The following KDM4C variants were observed in gnomAD, a reference collection of about 807,000 sequenced individuals.
KDM4C encodes the protein lysine demethylase 4C, also known as lysine-specific demethylase 4C.
KDM4C carries 81 observed loss-of-function variants against 129.3 expected under a neutral mutation model. That is an observed-to-expected ratio of 0.63 (90% CI 0.52 to 0.75). KDM4C has a LOEUF of 0.75. Among genes scored for constraint, KDM4C ranks in the 30% least tolerant of loss-of-function variants. The probability of loss-of-function intolerance (pLI) is 0.00; values close to 1 mark genes in which losing one functional copy is unlikely to be tolerated. For missense variants in KDM4C, 1,457 were observed against 1,304.0 expected, an observed-to-expected ratio of 1.12 and a Z score of -1.81; for synonymous variants, 573 against 456.1, an observed-to-expected ratio of 1.26 and a Z score of -3.26.
upstream of KDM4C, among the ~76,000 whole-genome samples, chr9:6,757,178 G>C (rs1397053102): frequency 1.3e-5 from 2 of 150,584 alleles, no homozygotes; most frequent in Non-Finnish European, 3.0e-5. Context: ...CAAGTTGTAG[G>C]AAGTTAACTT....
chr9:6,983,964 G>GT (rs1426445971), intron 9 of KDM4C, among the ~76,000 whole-genome samples: 3 of 152,060 alleles, frequency 2.0e-5, no homozygotes, highest in African/African-American at 7.2e-5. Context: ...GAATTTTAAA[G>GT]TTTTATTGAT....
rs1844236355 is a variant in KDM4C at position 7,165,094 on chromosome 9, C to A, written c.2782-144C>A. 4 of 924,104 alleles carry A rather than the reference C, an allele frequency of 4.3e-6. No homozygotes were observed. The South Asian group carries it at 7.4e-5, about 17-fold the overall frequency. The allele number at this position is 924,104 out of a possible 1,614,324, so 57.2% of individuals were successfully genotyped here. A position where few individuals can be genotyped will look rare whatever the true frequency, so the allele number is the denominator to read the frequency against. On this transcript the variant is annotated intron_variant, in intron 19 of 21. Transcript: ENST00000381309. Reference sequence around the variant, plus strand: ...ATACTCCTTTGGCTCATATCTCTTCCCCTGAACACCCATGCGAGATCATAA... The same window carrying A: ...ATACTCCTTTGGCTCATATCTCTTCACCTGAACACCCATGCGAGATCATAA...
At chr9:6,725,566 C>T (rs150179697) in intron 1 of KDM4C, among the ~76,000 whole-genome samples, 3 of 152,136 alleles carry the variant, frequency 2.0e-5, no homozygotes, top group Non-Finnish European at 4.4e-5. Flanking sequence ...TGGCTCACTG[C>T]AACCTCTGTC....
chr9:6,783,362 T>C (rs1824783843), intron 1 of KDM4C, among the ~76,000 whole-genome samples: 1 of 152,152 alleles, frequency 6.6e-6, no homozygotes, highest in African/African-American at 2.4e-5. Context: ...GACAGATTCG[T>C]TTTTATCCTT....
At chr9:6,739,281 C>A (rs1401054305) in intron 1 of KDM4C, among the ~76,000 whole-genome samples, 1 of 152,008 alleles carries the variant, frequency 6.6e-6, no homozygotes, top group Non-Finnish European at 1.5e-5. Context: ...CCATGTTGGC[C>A]AGGCTGGTCT....
At chr9:6,856,822 A>G (rs1031800165) in intron 5 of KDM4C, among the ~76,000 whole-genome samples, 1 of 149,044 alleles carries the variant, frequency 6.7e-6, no homozygotes, top group African/African-American at 2.5e-5. Context: ...CAGTGGCGCA[A>G]TCTCGGCTCA....
At chr9:7,154,373 G>A (rs1450061536) in intron 19 of KDM4C, among the ~76,000 whole-genome samples, 1 of 152,230 alleles carries the variant, frequency 6.6e-6, no homozygotes, top group African/African-American at 2.4e-5. Flanking sequence ...ATTAACTACT[G>A]GGAACACATG....
At chr9:7,097,844 G>A (rs1414799926) in intron 17 of KDM4C, among the ~76,000 whole-genome samples, 1 of 152,198 alleles carries the variant, frequency 6.6e-6, no homozygotes, top group Non-Finnish European at 1.5e-5. Flanking sequence ...TTTGCAAAAT[G>A]ATCTTACATA....
At chr9:7,125,115 C>T (rs1001604403) in intron 18 of KDM4C, among the ~76,000 whole-genome samples, 7 of 152,112 alleles carry the variant, frequency 4.6e-5, no homozygotes, top group Non-Finnish European at 8.8e-5. Context: ...ACTGTTCTCC[C>T]CCACCCCCAG....
chr9:6,732,114 TC>T (rs1345979400), intron 1 of KDM4C, among the ~76,000 whole-genome samples: 2 of 151,700 alleles, frequency 1.3e-5, no homozygotes, highest in Non-Finnish European at 1.5e-5. Context: ...ACATCTGTAA[TC>T]CCAGCACTTG....
chr9:6,863,122 A>G (rs1271741525), intron 5 of KDM4C, among the ~76,000 whole-genome samples: 1 of 152,228 alleles, frequency 6.6e-6, no homozygotes, highest in Non-Finnish European at 1.5e-5. Context: ...CGTATACAGA[A>G]AAGAATAGAA....
intron 20 of KDM4C, among the ~76,000 whole-genome samples, chr9:7,169,354 T>A (rs1844725309): frequency 6.6e-6 from 1 of 152,220 alleles, no homozygotes; most frequent in Non-Finnish European, 1.5e-5. Context: ...TTTTTTGTTT[T>A]GAGACGGAGT....
At chr9:7,084,418 A>T (rs56261120) in intron 17 of KDM4C, among the ~76,000 whole-genome samples, 4,454 of 152,340 alleles carry the variant, frequency 0.029, 73 homozygotes, top group South Asian at 0.072. Context: ...CATGAATGAT[A>T]GATAGTCTAT....
At chr9:6,972,120 A>G (rs1402925855) in intron 8 of KDM4C, among the ~76,000 whole-genome samples, 1 of 152,080 alleles carries the variant, frequency 6.6e-6, no homozygotes, top group Non-Finnish European at 1.5e-5. Flanking sequence ...GAAATAAAAC[A>G]CCTTTGGTTT....
At chr9:7,086,358 A>T (rs2132991489) in intron 17 of KDM4C, among the ~76,000 whole-genome samples, 1 of 152,234 alleles carries the variant, frequency 6.6e-6, no homozygotes, top group African/African-American at 2.4e-5. Context: ...CCAGCATCGG[A>T]ATAGTTATTA....
Position 7,020,363 on chromosome 9 carries a change from C to G in KDM4C, c.2259+4434C>G, listed in dbSNP as rs557504525. Reference sequence around the variant, plus strand: ...CATCGCTTTGAGTCCCTGCCTTACCCTATTTCAGTATTACCCAAATAAATA... The same window carrying G: ...CATCGCTTTGAGTCCCTGCCTTACCGTATTTCAGTATTACCCAAATAAATA... On this transcript the variant is annotated intron_variant, in intron 15 of 21. Coordinates refer to ENST00000381309, the MANE Select transcript of KDM4C (RefSeq NM_015061.6). Among the ~76,000 whole-genome samples the G allele has an allele frequency of 7.2e-5, 11 of 152,322 alleles. No individual in the cohort carries two copies. The East Asian group carries it at 2.1e-3, about 29-fold the overall frequency.
At chr9:6,804,250 C>G (rs1383237511) in intron 2 of KDM4C, among the ~76,000 whole-genome samples, 1 of 152,224 alleles carries the variant, frequency 6.6e-6, no homozygotes, top group East Asian at 1.9e-4. Context: ...GCACCTTATA[C>G]TGGCATTTGA....
intron 1 of KDM4C, among the ~76,000 whole-genome samples, chr9:6,773,013 T>A (rs1333112679): frequency 6.6e-6 from 1 of 150,936 alleles, no homozygotes; most frequent in East Asian, 1.9e-4. Context: ...TTCTTTTTTG[T>A]TTTTTTGACA....
intron 12 of KDM4C, among the ~76,000 whole-genome samples, chr9:7,001,069 C>T (rs1011410533): frequency 3.3e-5 from 5 of 152,178 alleles, no homozygotes; most frequent in African/African-American, 9.7e-5. Context: ...TAGAAGGTGG[C>T]TCTCTTTATC....
Sources: allele counts gnomAD v4.1 joint callset (sites outside exome capture counted in the v4.1 genomes callset), GRCh38; gene constraint gnomAD v4.1.1; transcripts MANE v1.5; gene names NCBI Gene and HGNC (gene_info 2026-07-23, HGNC 2026-07-21).